PTCH1: variants seen among roughly 807,000 people sequenced by gnomAD.
PTCH1 encodes the protein patched 1, also known as protein patched homolog 1.
In PTCH1, 14 loss-of-function variants were observed where a neutral mutation model predicts 144.6. The ratio of observed to expected loss-of-function variants is 0.10; its 90% CI spans 0.06 to 0.15. The LOEUF (loss-of-function observed/expected upper bound fraction) is 0.15, where lower values mean the gene tolerates loss of function less well. Among genes scored for constraint, PTCH1 ranks in the 10% least tolerant of loss-of-function variants. The pLI is 1.00. For synonymous variants in PTCH1, 833 were observed against 793.6 expected (o/e 1.05, Z -0.83); for missense variants, 1,623 against 1,948.3 (o/e 0.83, Z 3.14).
chr9:95,444,461 AG>A lies in PTCH1; in HGVS notation c.*1931del, dbSNP rs1837709183. 6.5e-6 allele frequency: 1 copy of A among 153,540 alleles called. No homozygotes were observed. The highest frequency in any genetic ancestry group is 2.0e-4 in the South Asian group (1 of 4,970). The allele number at this position is 153,540 out of a possible 1,614,324, so 9.5% of individuals were successfully genotyped here. Reference sequence around the variant, plus strand: ...GGGTGACAGGCACCAAGACAGCAGCAGGGGGGTGGCCAGGGTCCCCAGCAGA... The same window carrying A: ...GGGTGACAGGCACCAAGACAGCAGCAGGGGGTGGCCAGGGTCCCCAGCAGA... On this transcript the variant is annotated 3_prime_UTR_variant, in exon 24 of 24. Coordinates refer to ENST00000331920, the MANE Select transcript of PTCH1 (RefSeq NM_000264.5).
intron 12 of PTCH1, among the ~76,000 whole-genome samples, chr9:95,475,819 G>T (rs1840985391): frequency 6.6e-6 from 1 of 152,200 alleles, no homozygotes; most frequent in South Asian, 2.1e-4. Context: ...GGCTAGAAAG[G>T]AAGGAAAAAC....
At chr9:95,459,546 A>G in intron 17 of PTCH1, 54 bp downstream of exon 17, 1 of 1,601,686 alleles carries the variant, frequency 6.2e-7, no homozygotes, top group South Asian at 1.1e-5. Context: ...AGTTTGGAGA[A>G]CCAGGGAAGG....
At chr9:95,492,422 G>T (rs1425034833) in intron 2 of PTCH1, among the ~76,000 whole-genome samples, 1 of 152,176 alleles carries the variant, frequency 6.6e-6, no homozygotes, top group African/African-American at 2.4e-5. Flanking sequence ...CACACAACCA[G>T]ATTGTCCACA....
intron 2 of PTCH1, among the ~76,000 whole-genome samples, chr9:95,501,923 C>G (rs1277627729): frequency 6.6e-6 from 1 of 152,142 alleles, no homozygotes; most frequent in African/African-American, 2.4e-5. Flanking sequence ...GTGAAGCATT[C>G]GTGGCTCCAG....
intron 1 of PTCH1, chr9:95,506,855 G>T: frequency 8.5e-7 from 1 of 1,182,594 alleles, no homozygotes; most frequent in Non-Finnish European, 1.0e-6. Context: ...ATCCCTGAGC[G>T]ACTTGGGGCA....
chr9:95,507,926 A>G (rs895721527), intron 1 of PTCH1: 3 of 1,422,530 alleles, frequency 2.1e-6, no homozygotes, highest in Non-Finnish European at 2.8e-6. Flanking sequence ...ACACGCACAC[A>G]CACACACCTC....
At chr9:95,508,044 T>A (rs1253282927) in intron 1 of PTCH1, 117 bp downstream of exon 1, 11 of 776,900 alleles carry the variant, frequency 1.4e-5, no homozygotes, top group Admixed American at 3.0e-5. Context: ...TGTGAGTGAG[T>A]GTGTGTGTGT....
Position 95,449,377 on chromosome 9 carries a change from A to G in PTCH1, c.3550-54T>C. On this transcript the variant is annotated intron_variant, in intron 21 of 23. Transcript: ENST00000331920. The surrounding 1 kb of genome is among the most constrained non-coding windows in gnomAD (Gnocchi z 5.3). ...GTTCTTGTCCATTTACCTGCTGGCC[A>G]CACTCAAAGCTCAAAGCACGGTATT... The G allele has an allele frequency of 6.5e-7, 1 of 1,537,146 alleles. No homozygotes were observed. The highest frequency in any genetic ancestry group is 8.7e-7 in the Non-Finnish European group (1 of 1,146,418).
chr9:95,453,435 A>G, intron 20 of PTCH1, 43 bp downstream of exon 20: 3 of 1,612,556 alleles, frequency 1.9e-6, no homozygotes, highest in Non-Finnish European at 2.5e-6. Flanking sequence ...CGGCCCAATC[A>G]CAATGATTTC....
chr9:95,456,840 T>A (rs1424732464), intron 18 of PTCH1, among the ~76,000 whole-genome samples: 1 of 152,148 alleles, frequency 6.6e-6, no homozygotes, highest in Non-Finnish European at 1.5e-5. Flanking sequence ...CATCATTAAG[T>A]TTTTGGTTGC....
intron 2 of PTCH1, among the ~76,000 whole-genome samples, chr9:95,488,734 A>T (rs892139077): frequency 6.6e-6 from 1 of 152,252 alleles, no homozygotes; most frequent in African/African-American, 2.4e-5. Flanking sequence ...AAGCAAAACA[A>T]TAAGATACCT....
Position 95,508,877 on chromosome 9 carries a change from A to AGCC in PTCH1, c.-519_-517dup, listed in dbSNP as rs932280647. 204 of 947,574 alleles carry AGCC rather than the reference A, an allele frequency of 2.2e-4. No individual in the cohort carries two copies. Among genetic ancestry groups the AGCC allele is most frequent in the Middle Eastern group, 5.5e-4 (1 of 1,806 alleles). The allele number at this position is 947,574 out of a possible 1,614,324, so 58.7% of individuals were successfully genotyped here. On this transcript the variant is annotated 5_prime_UTR_variant, in exon 1 of 24. Coordinates refer to ENST00000331920, the MANE Select transcript of PTCH1 (RefSeq NM_000264.5). ...GAGCGGCCGCGGAGGGCAAGCGCAGAGCCGCCGCCGCCGCGGGGTCCGAGG... is the reference window on the plus strand; with the variant it reads ...GAGCGGCCGCGGAGGGCAAGCGCAGAGCCGCCGCCGCCGCCGCGGGGTCCGAGG...
intron 1 of PTCH1, chr9:95,507,905 T>TAGAC: frequency 1.6e-6 from 2 of 1,286,200 alleles, no homozygotes; most frequent in Non-Finnish European, 2.0e-6. Flanking sequence ...GGCGTGTGTA[T>TAGAC]ACACACACAC....
rs1237120549 is a variant in PTCH1, at chr9:95,508,366, C to T, written c.-5G>A. On this transcript the variant is annotated 5_prime_UTR_variant, in exon 1 of 24. Transcript: ENST00000331920. ...GGCGTTACCAGCCGAGGCCATGTTG[C>T]CGCCGCCGCCGCCGCCGCCGCGGGG... 3 of 985,910 alleles carry T rather than the reference C, an allele frequency of 3.0e-6. No individual in the cohort carries two copies. Among genetic ancestry groups the T allele is most frequent in the East Asian group, 9.3e-5 (2 of 21,592 alleles). The allele number at this position is 985,910 out of a possible 1,614,324, so 61.1% of individuals were successfully genotyped here. A position where few individuals can be genotyped will look rare whatever the true frequency, so the allele number is the denominator to read the frequency against.
intron 1 of PTCH1, chr9:95,507,091 A>G (rs901897093): frequency 1.0e-6 from 1 of 985,590 alleles, no homozygotes; most frequent in Non-Finnish European, 1.2e-6. Flanking sequence ...CCCCAACTGG[A>G]CCCCCGCCGA....
intron 5 of PTCH1, among the ~76,000 whole-genome samples, 163 bp from the exon 6 acceptor site, chr9:95,480,751 A>G (rs1288001620): frequency 2.2e-4 from 34 of 152,226 alleles, no homozygotes; most frequent in Admixed American, 2.2e-3. Flanking sequence ...GCATATCTGC[A>G]TAAAAACTTA....
At chr9:95,478,008 CAACCA>C in intron 9 of PTCH1, 42 bp downstream of exon 9, 1 of 1,613,902 alleles carries the variant, frequency 6.2e-7, no homozygotes, top group South Asian at 1.1e-5. Context: ...AAGACTAAAA[CAACCA>C]AACCAAACTC....
intron 15 of PTCH1, among the ~76,000 whole-genome samples, chr9:95,464,284 T>C (rs1444757224): frequency 6.6e-6 from 1 of 152,254 alleles, no homozygotes. Flanking sequence ...CGACCCTGGA[T>C]ACAAAACAAG....
intron 16 of PTCH1, 28 bp downstream of exon 16, chr9:95,461,828 C>T (rs367802633): frequency 5.3e-5 from 86 of 1,613,434 alleles, no homozygotes; most frequent in Admixed American, 6.7e-5. Context: ...GCCCTGGAAG[C>T]GCCCTCAGTG....
Sources: allele counts gnomAD v4.1 joint callset (sites outside exome capture counted in the v4.1 genomes callset), GRCh38; gene constraint gnomAD v4.1.1; non-coding constraint Gnocchi (gnomAD v3.1); transcripts MANE v1.5; gene names NCBI Gene and HGNC (gene_info 2026-07-23, HGNC 2026-07-21).